Variants in NIPA2 observed in about 807,000 individuals in gnomAD.
NIPA2 encodes magnesium transporter NIPA2.
A neutral mutation model predicts 29.7 loss-of-function variants in NIPA2; 11 were observed. The ratio of observed to expected loss-of-function variants is 0.37; its 90% CI spans 0.23 to 0.61. The LOEUF (loss-of-function observed/expected upper bound fraction) is 0.61. Among genes scored for constraint, NIPA2 ranks in the 20% least tolerant of loss-of-function variants. The pLI is 0.66. For synonymous variants in NIPA2, 183 were observed against 161.9 expected (o/e 1.13, Z -0.99); for missense variants, 426 against 437.9 (o/e 0.97, Z 0.24).
At chr15:22,853,376 T>G (rs1340636421) in intron 5 of NIPA2, 108 bp downstream of exon 5, 1 of 206,834 alleles carries the variant, frequency 4.8e-6, no homozygotes, top group African/African-American at 3.9e-5. Flanking sequence ...TAAATAATCT[T>G]TTTTTTTTTT....
In NIPA2 at chr15:22,843,607, G is replaced by GTTT. The variant is rs112553178; in HGVS notation, c.-215-1538_-215-1536dup. 1.4e-4 allele frequency among the ~76,000 whole-genome samples: 21 copies of GTTT among 151,504 alleles called. 1 individual carries two copies. Among genetic ancestry groups the GTTT allele is most frequent in the African/African-American group, 4.8e-4 (20 of 41,340 alleles). On this transcript the variant is annotated intron_variant, in intron 2 of 7. Transcript: ENST00000337451. The stretch of plus-strand genomic sequence containing the variant: ...TGAAATGTCAAAAGTGCTGTGAAAA[G>GTTT]TTTAAGGCTGTCTATGCACTTCATT...
At chr15:22,854,809 G>C (rs2058061510) in intron 5 of NIPA2, among the ~76,000 whole-genome samples, 1 of 152,066 alleles carries the variant, frequency 6.6e-6, no homozygotes, top group Non-Finnish European at 1.5e-5. Context: ...TCAAATACTT[G>C]ATGTTATTCA....
rs1006771420 is a variant in NIPA2, at chr15:22,841,339, C to T, written c.-216+1549C>T. 2.0e-5 allele frequency among the ~76,000 whole-genome samples: 3 copies of T among 152,238 alleles called. No individual in the cohort carries two copies. In the East Asian group the frequency reaches 5.8e-4, roughly 29 times the overall value. ...ATTAGAGCATCCTTAAACATTTCTG[C>T]ATATCTATTTGTTTTATGTAAATGA... On this transcript the variant is annotated intron_variant, in intron 2 of 7. Coordinates refer to ENST00000337451, the MANE Select transcript of NIPA2 (RefSeq NM_030922.7).
Position 22,860,134 on chromosome 15 carries a change from C to G in NIPA2, c.288-495C>G, listed in dbSNP as rs566068549. ...CAACCTCTGCCTTCTAGGTCCTGCC[C>G]CAGCCTCCCGAGTAGCTGGGATTAC... On this transcript the variant is annotated intron_variant, in intron 6 of 7. Transcript: ENST00000337451. 2.0e-5 allele frequency among the ~76,000 whole-genome samples: 3 copies of G among 151,604 alleles called. No individual in the cohort carries two copies. In the East Asian group the frequency reaches 5.8e-4, roughly 29 times the overall value.
intron 3 of NIPA2, among the ~76,000 whole-genome samples, chr15:22,846,589 G>A (rs1003540888): frequency 2.6e-5 from 4 of 152,064 alleles, no homozygotes; most frequent in Admixed American, 1.3e-4. Context: ...GAGGCAGGCA[G>A]ATCGCTTGAG....
rs200058597 is a variant in NIPA2 at position 22,866,791 on chromosome 15, G to A, written c.1027G>A (p.Glu343Lys). ...TGAAGAAAGCTTAACCTGTGGAATC[G>A]AACAACACACTGGTGAAAATGTCTC... The part of the protein sequence containing the change: ...NNEESLTCGI[E>K]QHTGENVSRR... Residue 343 changes from glutamate to lysine, a missense_variant, in exon 8 of 8, where the codon GAA becomes AAA. Transcript: ENST00000337451. The A allele has an allele frequency of 1.2e-5, 19 of 1,611,736 alleles. No homozygotes were observed. In the Admixed American group the frequency reaches 1.7e-4, roughly 14 times the overall value.
At position 22,866,940 on chromosome 15, in the gene NIPA2, G is replaced by A. The variant is rs1382073011; in HGVS notation, c.*93G>A. On this transcript the variant is annotated 3_prime_UTR_variant, in exon 8 of 8. Transcript: ENST00000337451. ...TGAAAAAACATTGTCCTCAAATAAT[G>A]TTCTTTAAAGGCAATCTTTTTAAAG... 2 of 1,208,214 alleles carry A rather than the reference G, an allele frequency of 1.7e-6. No homozygotes were observed. The highest frequency in any genetic ancestry group is 2.3e-6 in the Non-Finnish European group (2 of 873,828). The allele number at this position is 1,208,214 out of a possible 1,614,324, so 74.8% of individuals were successfully genotyped here.
At position 22,867,133 on chromosome 15, in the gene NIPA2, T is replaced by C. The variant is rs2059149757; in HGVS notation, c.*286T>C. ...AAGCCGAATGCACTAATGACAGTTT[T>C]AAGTCTATGAAAATGCTTTATTTTT... On this transcript the variant is annotated 3_prime_UTR_variant, in exon 8 of 8. Transcript: ENST00000337451. 1 of 466,120 alleles carries C rather than the reference T, an allele frequency of 2.1e-6. No homozygotes were observed. Among genetic ancestry groups the C allele is most frequent in the Non-Finnish European group, 3.7e-6 (1 of 267,378 alleles). The allele number at this position is 466,120 out of a possible 1,614,324, so 28.9% of individuals were successfully genotyped here. A position where few individuals can be genotyped will look rare whatever the true frequency, so the allele number is the denominator to read the frequency against.
At chr15:22,845,877 A>G (rs1358268573) in intron 3 of NIPA2, among the ~76,000 whole-genome samples, 1 of 152,188 alleles carries the variant, frequency 6.6e-6, no homozygotes, top group Non-Finnish European at 1.5e-5. Flanking sequence ...ATTAAAATAA[A>G]AGGGAAAGGG....
intron 2 of NIPA2, among the ~76,000 whole-genome samples, chr15:22,844,343 A>G (rs892483): frequency 0.59 from 90,191 of 151,732 alleles, 27,879 homozygotes; most frequent in South Asian, 0.73. Context: ...GGCGGATCAC[A>G]AAGTCAGGAG....
At chr15:22,846,890 G>A (rs1357401258) in intron 3 of NIPA2, among the ~76,000 whole-genome samples, 1 of 140,480 alleles carries the variant, frequency 7.1e-6, no homozygotes, top group East Asian at 2.1e-4. Flanking sequence ...GTTGTTTTTT[G>A]TTTTTGTTGT....
intron 3 of NIPA2, among the ~76,000 whole-genome samples, chr15:22,851,033 C>T (rs1340893110): frequency 6.6e-6 from 1 of 152,134 alleles, no homozygotes; most frequent in East Asian, 1.9e-4. Context: ...GAGGATTGAG[C>T]CCTCCAGATA....
chr15:22,846,255 C>A (rs1462976687), intron 3 of NIPA2, among the ~76,000 whole-genome samples: 1 of 152,096 alleles, frequency 6.6e-6, no homozygotes, highest in South Asian at 2.1e-4. Context: ...GTGGGGCCTA[C>A]TCCTCAGGCA....
intron 5 of NIPA2, among the ~76,000 whole-genome samples, chr15:22,855,111 C>A (rs62008587): frequency 6.6e-6 from 1 of 151,608 alleles, no homozygotes; most frequent in Non-Finnish European, 1.5e-5. Context: ...TAAAAAGGCA[C>A]GTGGAAAAAA....
At chr15:22,854,705 C>A (rs28594575) in intron 5 of NIPA2, among the ~76,000 whole-genome samples, 1 of 151,844 alleles carries the variant, frequency 6.6e-6, no homozygotes, top group East Asian at 1.9e-4. Context: ...GATAACTGCA[C>A]CACTGCACTC....
chr15:22,850,827 T>C (rs541778511), intron 3 of NIPA2, among the ~76,000 whole-genome samples: 2 of 152,304 alleles, frequency 1.3e-5, no homozygotes, highest in African/African-American at 2.4e-5. Context: ...CGAAGTTAAA[T>C]TGTGGGACTA....
intron 3 of NIPA2, among the ~76,000 whole-genome samples, chr15:22,847,098 G>T (rs540875549): frequency 6.6e-6 from 1 of 151,586 alleles, no homozygotes; most frequent in Admixed American, 6.6e-5. Flanking sequence ...TAGAGACAGG[G>T]TTTCTCCATG....
rs1427657730 is a variant in NIPA2 at position 22,860,715 on chromosome 15, T to G, written c.374T>G (p.Val125Gly). 1.9e-6 allele frequency: 3 copies of G among 1,603,512 alleles called. No homozygotes were observed. The Admixed American group carries it at 5.2e-5, about 28-fold the overall frequency. The change falls in exon 7 of 8, where the codon GTT becomes GGT. Residue 125 changes from valine to glycine, a missense_variant. Physicochemically the swap from Val to Gly is moderately radical, Grantham distance 109. This residue lies in a region of NIPA2 where 357 missense variants were observed against 339.8 expected (regional missense o/e 1.05). Transcript: ENST00000337451. The part of the protein sequence containing the change: ...GCLLSILGST[V>G]MVIHAPKEEE... ...TTGCTAAGTATTCTAGGATCTACAGTTATGGTCATTCATGCTCCAAAGGAA... is the reference window on the plus strand; with the variant it reads ...TTGCTAAGTATTCTAGGATCTACAGGTATGGTCATTCATGCTCCAAAGGAA...
At chr15:22,861,954 T>G (rs2141506718) in intron 7 of NIPA2, among the ~76,000 whole-genome samples, 1 of 151,198 alleles carries the variant, frequency 6.6e-6, no homozygotes, top group South Asian at 2.1e-4. Flanking sequence ...GCCAGGTTGG[T>G]GTCGAACTCC....
Sources: gnomAD v4.1 joint callset for allele counts (sites outside exome capture counted in the v4.1 genomes callset) on GRCh38, gnomAD v4.1.1 for gene constraint, gnomAD v4.1.1 regional missense constraint, MANE v1.5 for transcripts, NCBI Gene and HGNC (gene_info 2026-07-23, HGNC 2026-07-21) for gene names.